The following KCNIP4 variants were observed in gnomAD, a reference collection of about 807,000 sequenced individuals.
KCNIP4 encodes potassium voltage-gated channel interacting protein 4, also known as Kv channel-interacting protein 4.
A neutral mutation model predicts 34.0 loss-of-function variants in KCNIP4; 12 were observed. That is an observed-to-expected ratio of 0.35 (90% confidence interval 0.23 to 0.57). KCNIP4 has a LOEUF of 0.57. KCNIP4 is among the 20% of genes least tolerant of loss of function. The pLI, the probability that KCNIP4 is intolerant of heterozygous loss-of-function variation, is 0.83. For missense variants in KCNIP4, 238 were observed against 311.7 expected (o/e 0.76, Z 1.78); for synonymous variants, 124 against 102.2 (o/e 1.21, Z -1.29).
intron 1 of KCNIP4, among the ~76,000 whole-genome samples, chr4:20,936,371 A>T (rs953898004): frequency 2.0e-5 from 3 of 151,724 alleles, no homozygotes; most frequent in Non-Finnish European, 2.9e-5. Context: ...GCAAACATTT[A>T]TTCCGGATCT....
At chr4:21,139,592 C>T (rs1391392470) in intron 1 of KCNIP4, among the ~76,000 whole-genome samples, 1 of 152,116 alleles carries the variant, frequency 6.6e-6, no homozygotes, top group Non-Finnish European at 1.5e-5. Context: ...AGCCCACATC[C>T]AAAGAGACAT....
At position 21,523,557 on chromosome 4, in the gene KCNIP4, C is replaced by T. The variant is rs556200399; in HGVS notation, c.61+425014G>A. On this transcript the variant is annotated intron_variant, in intron 1 of 8. Transcript: ENST00000382152. ...GCTTCCTTCCTTCCTTCCGTCCTTC[C>T]TTTTACTTTCCTTCTTTCTCTTTCT... Among the ~76,000 whole-genome samples, 24 of 151,534 alleles carry T rather than the reference C, an allele frequency of 1.6e-4. No individual in the cohort carries two copies. In the South Asian group the frequency reaches 4.8e-3, roughly 30 times the overall value.
chr4:20,889,722 TG>T (rs1725702305), intron 1 of KCNIP4, among the ~76,000 whole-genome samples: 1 of 151,270 alleles, frequency 6.6e-6, no homozygotes, highest in African/African-American at 2.4e-5. Flanking sequence ...TTTGGTTGAA[TG>T]TTTTTCTTGT....
intron 1 of KCNIP4, among the ~76,000 whole-genome samples, chr4:21,233,943 TTAC>T (rs1758998594): frequency 1.5e-5 from 2 of 129,152 alleles, no homozygotes; most frequent in Admixed American, 1.7e-4. Flanking sequence ...TATATAAATA[TTAC>T]ATATAACATA....
intron 1 of KCNIP4, among the ~76,000 whole-genome samples, chr4:21,388,550 T>C (rs967898273): frequency 6.6e-6 from 1 of 152,178 alleles, no homozygotes; most frequent in Non-Finnish European, 1.5e-5. Context: ...AAGTGAATTA[T>C]ATTGAGTGAA....
chr4:21,794,916 A>G (rs1233303130), intron 1 of KCNIP4, among the ~76,000 whole-genome samples: 5 of 152,066 alleles, frequency 3.3e-5, no homozygotes, highest in African/African-American at 9.7e-5. Flanking sequence ...AAACAAATAA[A>G]CAAACGAACA....
intron 1 of KCNIP4, among the ~76,000 whole-genome samples, chr4:20,944,671 C>T (rs1018493038): frequency 2.6e-5 from 4 of 152,160 alleles, no homozygotes; most frequent in African/African-American, 9.7e-5. Context: ...GGCTTTGCAT[C>T]GGCTTTGGGA....
chr4:21,385,769 G>A (rs1177642409), intron 1 of KCNIP4, among the ~76,000 whole-genome samples: 1 of 152,154 alleles, frequency 6.6e-6, no homozygotes, highest in Non-Finnish European at 1.5e-5. Flanking sequence ...TGCTGATGGA[G>A]CCAACCAGAA....
intron 1 of KCNIP4, among the ~76,000 whole-genome samples, chr4:21,433,014 T>C (rs1302608646): frequency 6.6e-6 from 1 of 152,206 alleles, no homozygotes; most frequent in African/African-American, 2.4e-5. Flanking sequence ...CAGCCATACC[T>C]AAGTCTTTCT....
At chr4:21,672,901 A>T (rs1343942515) in intron 1 of KCNIP4, among the ~76,000 whole-genome samples, 1 of 152,248 alleles carries the variant, frequency 6.6e-6, no homozygotes, top group African/African-American at 2.4e-5. Flanking sequence ...TGGCTCATGC[A>T]CAAGACTGTT....
At chr4:20,884,336 C>G (rs554739480) in intron 1 of KCNIP4, among the ~76,000 whole-genome samples, 1 of 152,096 alleles carries the variant, frequency 6.6e-6, no homozygotes, top group African/African-American at 2.4e-5. Context: ...TTTTAAGCTC[C>G]GCATGTATGT....
intron 1 of KCNIP4, among the ~76,000 whole-genome samples, chr4:21,701,269 A>G (rs573118760): frequency 3.3e-5 from 5 of 152,304 alleles, no homozygotes; most frequent in African/African-American, 1.2e-4. Context: ...GGGCTGATGG[A>G]AAAAGTAAAA....
chr4:21,910,307 A>T (rs903706157), intron 1 of KCNIP4, among the ~76,000 whole-genome samples: 2 of 152,140 alleles, frequency 1.3e-5, no homozygotes, highest in Non-Finnish European at 2.9e-5. Flanking sequence ...TTATCATCAA[A>T]CTAAAATTTA....
At chr4:20,963,427 T>C (rs1406545337) in intron 1 of KCNIP4, among the ~76,000 whole-genome samples, 2 of 152,104 alleles carry the variant, frequency 1.3e-5, no homozygotes, top group African/African-American at 4.8e-5. Context: ...TTATTCCTAT[T>C]ATATGAACAC....
intron 1 of KCNIP4, among the ~76,000 whole-genome samples, chr4:20,986,106 T>A (rs1457682074): frequency 6.6e-6 from 1 of 152,144 alleles, no homozygotes; most frequent in African/African-American, 2.4e-5. Flanking sequence ...AAGTTCCAAC[T>A]CTTCAGAGGC....
At chr4:21,865,032 A>G (rs1409597776) in intron 1 of KCNIP4, among the ~76,000 whole-genome samples, 1 of 152,170 alleles carries the variant, frequency 6.6e-6, no homozygotes, top group Non-Finnish European at 1.5e-5. Context: ...CCACTTAGTG[A>G]TGGAACTCCA....
In KCNIP4 at chr4:20,905,517, T is replaced by C. The variant is rs892872033; in HGVS notation, c.62-22808A>G. Among the ~76,000 whole-genome samples the C allele has an allele frequency of 2.6e-3, 275 of 104,648 alleles. 4 individuals carry two copies. Among genetic ancestry groups the C allele is most frequent in the African/African-American group, 8.8e-3 (265 of 30,254 alleles). The allele number at this position is 104,648 out of a possible 152,430, so 68.7% of individuals were successfully genotyped here. A position where few individuals can be genotyped will look rare whatever the true frequency, so the allele number is the denominator to read the frequency against. The stretch of plus-strand genomic sequence containing the variant: ...AGTTGAACGTTTTCTTTCTTTTTTT[T>C]TTTTTTTTGTTTGAGATGGAGTCTT... On this transcript the variant is annotated intron_variant, in intron 1 of 8. Coordinates refer to ENST00000382152, the MANE Select transcript of KCNIP4 (RefSeq NM_025221.6).
intron 1 of KCNIP4, among the ~76,000 whole-genome samples, chr4:21,170,766 A>G (rs1045446991): frequency 6.6e-6 from 1 of 152,222 alleles, no homozygotes; most frequent in Non-Finnish European, 1.5e-5. Context: ...AACATATATG[A>G]TAATACACCT....
chr4:21,612,079 G>A (rs1026892463), intron 1 of KCNIP4, among the ~76,000 whole-genome samples: 12 of 152,018 alleles, frequency 7.9e-5, no homozygotes, highest in African/African-American at 2.2e-4. Context: ...TGGGATATAC[G>A]CCTGTCAACT....
Sources: allele counts gnomAD v4.1 joint callset (sites outside exome capture counted in the v4.1 genomes callset), GRCh38; gene constraint gnomAD v4.1.1; transcripts MANE v1.5; gene names NCBI Gene and HGNC (gene_info 2026-07-23, HGNC 2026-07-21).